PAM: variants seen among roughly 807,000 people sequenced by gnomAD.
The protein encoded by PAM is peptidyl-glycine alpha-amidating monooxygenase.
PAM carries 72 observed loss-of-function variants against 122.1 expected under a neutral mutation model. The ratio of observed to expected loss-of-function variants is 0.59; its 90% CI spans 0.49 to 0.72. The LOEUF is 0.72. PAM is among the 30% of genes least tolerant of loss of function. PAM has a pLI of 0.00. For synonymous variants in PAM, 389 were observed against 404.4 expected, an observed-to-expected ratio of 0.96 and a Z score of 0.46; for missense variants, 1,106 against 1,183.7, an observed-to-expected ratio of 0.93 and a Z score of 0.96.
intron 15 of PAM, among the ~76,000 whole-genome samples, chr5:102,977,658 GCACACA>G (rs10527378): frequency 0.03 from 4,340 of 143,018 alleles, 120 homozygotes; most frequent in African/African-American, 0.073. Context: ...ATGCATGTGC[GCACACA>G]CACACACACA....
chr5:102,950,520 T>G (rs1392977947), intron 11 of PAM, among the ~76,000 whole-genome samples, 197 bp from the exon 12 acceptor site: 1 of 151,946 alleles, frequency 6.6e-6, no homozygotes, highest in Non-Finnish European at 1.5e-5. Context: ...TTCTGTGATA[T>G]ATCAATAGAA....
chr5:102,926,129 C>G (rs1749398549), intron 6 of PAM, among the ~76,000 whole-genome samples: 2 of 151,970 alleles, frequency 1.3e-5, no homozygotes, highest in South Asian at 2.1e-4. Flanking sequence ...GCTCTGTCGC[C>G]CAGGCCGGAC....
chr5:102,954,803 T>C (rs1760180365), intron 12 of PAM, among the ~76,000 whole-genome samples: 1 of 152,130 alleles, frequency 6.6e-6, no homozygotes, highest in Admixed American at 6.6e-5. Context: ...TAAAATTTAA[T>C]ATTAATTATT....
At chr5:102,929,542 A>G (rs527933255) in intron 7 of PAM, among the ~76,000 whole-genome samples, 1 of 152,332 alleles carries the variant, frequency 6.6e-6, no homozygotes, top group South Asian at 2.1e-4. Context: ...TCTGAAGCAG[A>G]GTAACACTAC....
At chr5:102,957,915 T>A (rs1012843521) in intron 12 of PAM, among the ~76,000 whole-genome samples, 1 of 152,146 alleles carries the variant, frequency 6.6e-6, no homozygotes, top group Non-Finnish European at 1.5e-5. Context: ...ACTACTCTAG[T>A]AGGAAGAGTA....
chr5:102,804,602 T>G (rs1390529170), intron 1 of PAM, among the ~76,000 whole-genome samples: 1 of 152,226 alleles, frequency 6.6e-6, no homozygotes, highest in Non-Finnish European at 1.5e-5. Context: ...CCACTGTCAC[T>G]TTTCAGTCCT....
chr5:102,967,943 G>A (rs942750469), intron 14 of PAM, among the ~76,000 whole-genome samples: 1 of 151,966 alleles, frequency 6.6e-6, no homozygotes, highest in African/African-American at 2.4e-5. Context: ...GGCTGGTCTC[G>A]AACTCCTGAC....
chr5:102,812,378 A>G (rs1212621113), intron 1 of PAM, among the ~76,000 whole-genome samples: 2 of 152,122 alleles, frequency 1.3e-5, no homozygotes, highest in Non-Finnish European at 2.9e-5. Context: ...AACTTCTGCT[A>G]AATACAAGTG....
rs1779163081 is a variant in PAM, at chr5:103,007,003, G to T, written c.2006G>T (p.Trp669Leu). ...FSPSGKFITQWGEESSGSSPL... is the reference protein window; with the variant it reads ...FSPSGKFITQLGEESSGSSPL... ...CCAAGTGGAAAGTTCATCACACAGT[G>T]GGGAGAAGGTACCCAATAAGACTCT... Residue 669 changes from tryptophan (W) to leucine (L), a missense_variant, in exon 19 of 26, where the codon TGG (tryptophan) becomes TTG (leucine). This residue lies in a region of PAM where 103 missense variants were observed against 157.9 expected (regional missense o/e 0.65). Transcript: ENST00000438793. 1.2e-6 allele frequency: 2 copies of T among 1,609,278 alleles called. No individual in the cohort carries two copies. The highest frequency in any genetic ancestry group is 2.2e-5 in the East Asian group (1 of 44,848).
chr5:102,826,530 A>C (rs958173001), intron 1 of PAM, among the ~76,000 whole-genome samples: 4 of 152,182 alleles, frequency 2.6e-5, no homozygotes, highest in Admixed American at 2.0e-4. Context: ...AAAACATTCG[A>C]GGGCACTAAG....
intron 1 of PAM, among the ~76,000 whole-genome samples, chr5:102,831,321 A>G (rs1775373669): frequency 6.6e-6 from 1 of 152,230 alleles, no homozygotes; most frequent in Admixed American, 6.5e-5. Flanking sequence ...TCTTGTTAAA[A>G]ATATCATCCT....
intron 4 of PAM, among the ~76,000 whole-genome samples, chr5:102,904,858 A>G (rs1387897939): frequency 6.6e-6 from 1 of 151,578 alleles, no homozygotes; most frequent in African/African-American, 2.4e-5. Flanking sequence ...TAGTTATATA[A>G]CCCATCTTAA....
At chr5:103,000,089 C>A (rs558629789) in intron 16 of PAM, among the ~76,000 whole-genome samples, 23 of 152,298 alleles carry the variant, frequency 1.5e-4, no homozygotes, top group African/African-American at 5.5e-4. Context: ...AACATACGTT[C>A]CAATTCAAAC....
At chr5:102,886,914 C>A (rs982701847) in intron 3 of PAM, among the ~76,000 whole-genome samples, 6 of 152,082 alleles carry the variant, frequency 3.9e-5, no homozygotes, top group African/African-American at 1.4e-4. Flanking sequence ...TCCCTTGAAT[C>A]TACACCTAGT....
chr5:103,028,895 A>G lies in PAM; in HGVS notation c.2752A>G (p.Ser918Gly). 1 of 1,603,578 alleles carries G rather than the reference A, an allele frequency of 6.2e-7. No individual in the cohort carries two copies. Among genetic ancestry groups the G allele is most frequent in the Non-Finnish European group, 8.5e-7 (1 of 1,176,474 alleles). Residue 918 changes from serine to glycine, a missense_variant, in exon 26 of 26, where the codon AGT (serine) becomes GGT (glycine). Transcript: ENST00000438793. ...RVLGRFRGKG[S>G]GGLNLGNFFA... Reference sequence around the variant, plus strand: ...TGTTTGCTTTTTTTCAGGAAAGGGAAGTGGAGGCTTAAACCTTGGTAATTT... The same window carrying G: ...TGTTTGCTTTTTTTCAGGAAAGGGAGGTGGAGGCTTAAACCTTGGTAATTT...
chr5:103,003,552 T>C (rs1268819265), intron 17 of PAM, among the ~76,000 whole-genome samples: 1 of 152,144 alleles, frequency 6.6e-6, no homozygotes, highest in Non-Finnish European at 1.5e-5. Flanking sequence ...TAACATCACA[T>C]TGTACCCCAT....
intron 20 of PAM, among the ~76,000 whole-genome samples, chr5:103,008,265 T>A (rs1779625825): frequency 6.6e-6 from 1 of 152,050 alleles, no homozygotes; most frequent in South Asian, 2.1e-4. Flanking sequence ...ATATATTTAA[T>A]TTCTGAAATT....
chr5:102,987,792 C>A (rs577910340), intron 15 of PAM, among the ~76,000 whole-genome samples: 1 of 152,136 alleles, frequency 6.6e-6, no homozygotes, highest in African/African-American at 2.4e-5. Flanking sequence ...CATTCACATC[C>A]ACTTCTATAC....
At chr5:102,811,507 G>T (rs930522971) in intron 1 of PAM, among the ~76,000 whole-genome samples, 2 of 152,072 alleles carry the variant, frequency 1.3e-5, no homozygotes, top group Non-Finnish European at 2.9e-5. Flanking sequence ...GGGCCCACCT[G>T]GATAATCTAG....
Sources: allele counts gnomAD v4.1 joint callset (sites outside exome capture counted in the v4.1 genomes callset), GRCh38; gene constraint gnomAD v4.1.1; regional missense constraint gnomAD v4.1.1; transcripts MANE v1.5; gene names NCBI Gene and HGNC (gene_info 2026-07-23, HGNC 2026-07-21).